Variants in KRABD5 observed in about 807,000 individuals in gnomAD.
The protein encoded by KRABD5 is KRAB domain-containing protein 5.
At chr16:31,731,106 A>G in the KRABD5 span, among the ~76,000 whole-genome samples, 1 of 152,268 alleles carries the variant, frequency 6.6e-6, no homozygotes, top group Admixed American at 6.5e-5. Flanking sequence ...CTGATTCTTT[A>G]TAATCTGTGT....
chr16:31,737,807 T>A, the KRABD5 span, among the ~76,000 whole-genome samples: 1 of 152,198 alleles, frequency 6.6e-6, no homozygotes, highest in Non-Finnish European at 1.5e-5. Flanking sequence ...TTTATCCATC[T>A]GTGGTCTCTT....
chr16:31,758,669 G>C, the KRABD5 span: 1 of 151,634 alleles, frequency 6.6e-6, no homozygotes, highest in African/African-American at 2.4e-5. Flanking sequence ...AGCTACTTGG[G>C]AGGCTGAAGC....
At chr16:31,759,346 T>C in the KRABD5 span, 1 of 1,532,406 alleles carries the variant, frequency 6.5e-7, no homozygotes, top group Non-Finnish European at 8.8e-7. Flanking sequence ...GTATTTTGTA[T>C]TTTATTCCAG....
chr16:31,748,301 A>T, the KRABD5 span, among the ~76,000 whole-genome samples: 1 of 152,168 alleles, frequency 6.6e-6, no homozygotes, highest in African/African-American at 2.4e-5. Flanking sequence ...AGATAGTTGT[A>T]GATATGCGGC....
At chr16:31,733,703 C>T in the KRABD5 span, 2 of 437,608 alleles carry the variant, frequency 4.6e-6, no homozygotes, top group Non-Finnish European at 9.3e-6. Flanking sequence ...AAGGTTTGTC[C>T]TTATTAATAC....
the KRABD5 span, among the ~76,000 whole-genome samples, chr16:31,724,305 A>T: frequency 6.6e-6 from 1 of 152,024 alleles, no homozygotes; most frequent in Non-Finnish European, 1.5e-5. Context: ...TTATATATGT[A>T]TACATTGTGT....
the KRABD5 span, among the ~76,000 whole-genome samples, chr16:31,718,401 G>T: frequency 6.6e-6 from 1 of 152,188 alleles, no homozygotes; most frequent in Non-Finnish European, 1.5e-5. Context: ...TCTGCATTAT[G>T]AGAGATTGAC....
chr16:31,722,071 GT>G, the KRABD5 span, among the ~76,000 whole-genome samples: 5 of 140,956 alleles, frequency 3.5e-5, no homozygotes, highest in East Asian at 8.8e-4. Context: ...TTTGTTTTTT[GT>G]TTTTTTGTTT....
the KRABD5 span, among the ~76,000 whole-genome samples, chr16:31,737,136 T>C: frequency 6.6e-6 from 1 of 152,212 alleles, no homozygotes; most frequent in Admixed American, 6.5e-5. Flanking sequence ...CTCTGAGATC[T>C]GTAACATGAT....
chr16:31,745,698 C>T, the KRABD5 span, among the ~76,000 whole-genome samples: 1 of 149,892 alleles, frequency 6.7e-6, no homozygotes, highest in East Asian at 2.0e-4. Flanking sequence ...TCTTGTTGAT[C>T]TGTCTAATAT....
At chr16:31,724,399 T>A in the KRABD5 span, among the ~76,000 whole-genome samples, 1 of 152,106 alleles carries the variant, frequency 6.6e-6, no homozygotes, top group South Asian at 2.1e-4. Flanking sequence ...ATTAAAGATC[T>A]ACTGTGGGCC....
At chr16:31,731,863 C>T in the KRABD5 span, among the ~76,000 whole-genome samples, 1 of 152,158 alleles carries the variant, frequency 6.6e-6, no homozygotes, top group African/African-American at 2.4e-5. Context: ...GACAGTTCTA[C>T]ATCCAGGGGC....
At chr16:31,716,561 A>G in the KRABD5 span, among the ~76,000 whole-genome samples, 1 of 152,134 alleles carries the variant, frequency 6.6e-6, no homozygotes, top group African/African-American at 2.4e-5. Context: ...ATTTTTGTAG[A>G]GACAGGGAGG....
the KRABD5 span, among the ~76,000 whole-genome samples, chr16:31,719,435 A>C: frequency 6.6e-6 from 1 of 152,188 alleles, no homozygotes; most frequent in Middle Eastern, 3.2e-3. Flanking sequence ...AATCAGAAAA[A>C]CTCTGGGAGT....
the KRABD5 span, among the ~76,000 whole-genome samples, chr16:31,725,706 G>A: frequency 0.8 from 122,107 of 152,176 alleles, 49,623 homozygotes; most frequent in African/African-American, 0.92. Flanking sequence ...TTGAGGTTTG[G>A]TGTTCATTTC....
chr16:31,721,027 C>T, the KRABD5 span, among the ~76,000 whole-genome samples: 2 of 152,130 alleles, frequency 1.3e-5, no homozygotes, highest in Admixed American at 1.3e-4. Context: ...CAACAATTAA[C>T]ATATAATTAA....
At chr16:31,752,328 T>A in the KRABD5 span, among the ~76,000 whole-genome samples, 1 of 152,154 alleles carries the variant, frequency 6.6e-6, no homozygotes, top group Non-Finnish European at 1.5e-5. Context: ...GTCTAAAATT[T>A]CTTTGTGAAT....
At chr16:31,752,162 T>C in the KRABD5 span, among the ~76,000 whole-genome samples, 1 of 152,220 alleles carries the variant, frequency 6.6e-6, no homozygotes, top group African/African-American at 2.4e-5. Flanking sequence ...TGAGACTTGC[T>C]TTCTGGCTGA....
chr16:31,747,096 C>T, the KRABD5 span, among the ~76,000 whole-genome samples: 32 of 151,540 alleles, frequency 2.1e-4, no homozygotes, highest in Non-Finnish European at 1.8e-4. Context: ...CCCATTAACT[C>T]GTCATTTAGC....
Sources: gnomAD v4.1 joint callset for allele counts (sites outside exome capture counted in the v4.1 genomes callset) on GRCh38, gnomAD v4.1.1 for gene constraint, MANE v1.5 for transcripts, NCBI Gene and HGNC (gene_info 2026-07-23, HGNC 2026-07-21) for gene names.